The following IL1RAPL2 variants were observed in gnomAD, a reference collection of about 807,000 sequenced individuals.
The protein encoded by IL1RAPL2 is X-linked interleukin-1 receptor accessory protein-like 2.
Under a neutral mutation model 44.1 loss-of-function variants are expected in IL1RAPL2, and 3 were observed. That is an observed-to-expected ratio of 0.07 (90% CI 0.03 to 0.18). IL1RAPL2 has a LOEUF of 0.18. Among genes scored for constraint, IL1RAPL2 ranks in the 10% least tolerant of loss-of-function variants. The pLI is 1.00. For synonymous variants in IL1RAPL2, 181 were observed against 178.8 expected (o/e 1.01, Z -0.10); for missense variants, 391 against 496.4 (o/e 0.79, Z 2.02).
At chrX:105,077,562 C>G (rs961907787) in intron 2 of IL1RAPL2, among the ~76,000 whole-genome samples, 1 of 111,070 alleles carries the variant, frequency 9.0e-6, no homozygotes, top group Non-Finnish European at 1.9e-5. Flanking sequence ...GTGGCGTTCT[C>G]TGTATTTCCT....
intron 2 of IL1RAPL2, among the ~76,000 whole-genome samples, chrX:104,890,567 C>T (rs1038640660): frequency 8.9e-6 from 1 of 112,362 alleles, no homozygotes; most frequent in Admixed American, 9.4e-5. Context: ...AGCATGTTTT[C>T]ATGGGTCTGT....
chrX:104,966,546 C>T (rs999592281), intron 2 of IL1RAPL2, among the ~76,000 whole-genome samples: 1 of 111,926 alleles, frequency 8.9e-6, no homozygotes, highest in South Asian at 3.7e-4. Flanking sequence ...GAAGTTCTAA[C>T]AGTTCTGAAT....
intron 5 of IL1RAPL2, among the ~76,000 whole-genome samples, chrX:105,315,732 G>A (rs1232763264): frequency 9.8e-6 from 1 of 102,354 alleles, no homozygotes; most frequent in Non-Finnish European, 2.0e-5. Context: ...AGGGCAGGAA[G>A]CATCCAGCAT....
At chrX:105,033,237 T>C (rs1383236514) in intron 2 of IL1RAPL2, among the ~76,000 whole-genome samples, 1 of 111,698 alleles carries the variant, frequency 9.0e-6, no homozygotes, top group Non-Finnish European at 1.9e-5. Context: ...AAAGTTAATA[T>C]TATTATGTGT....
At chrX:104,988,944 G>A (rs1330717901) in intron 2 of IL1RAPL2, among the ~76,000 whole-genome samples, 1 of 111,699 alleles carries the variant, frequency 9.0e-6, no homozygotes, top group Admixed American at 9.5e-5. Context: ...TTTTCATAAA[G>A]TGAATTACAT....
At chrX:105,454,139 A>G (rs1380544610) in intron 5 of IL1RAPL2, among the ~76,000 whole-genome samples, 3 of 111,080 alleles carry the variant, frequency 2.7e-5, no homozygotes, top group Non-Finnish European at 5.7e-5. Flanking sequence ...TAAGCAGGAG[A>G]TCTCCAGCAG....
At chrX:104,793,115 T>A (rs993368033) in intron 2 of IL1RAPL2, among the ~76,000 whole-genome samples, 1 of 112,426 alleles carries the variant, frequency 8.9e-6, no homozygotes, top group Non-Finnish European at 1.9e-5. Context: ...CACTCAAGAA[T>A]TCTGTTGGTC....
intron 2 of IL1RAPL2, among the ~76,000 whole-genome samples, chrX:104,831,368 T>A (rs1170093348): frequency 8.9e-6 from 1 of 112,048 alleles, no homozygotes; most frequent in Non-Finnish European, 1.9e-5. Context: ...TCAGATTCTA[T>A]TCTAAGTCCT....
chrX:104,794,321 C>T (rs1441235391), intron 2 of IL1RAPL2, among the ~76,000 whole-genome samples: 1 of 111,628 alleles, frequency 9.0e-6, no homozygotes, highest in Non-Finnish European at 1.9e-5. Context: ...AGGGAGGGAT[C>T]AAGAAGTAAA....
chrX:105,232,662 A>G (rs1028763020), intron 3 of IL1RAPL2, among the ~76,000 whole-genome samples: 1 of 112,206 alleles, frequency 8.9e-6, no homozygotes, highest in African/African-American at 3.2e-5. Context: ...TGGATTATAC[A>G]TAGAAAAATA....
At chrX:105,200,143 T>C (rs1415119751) in intron 3 of IL1RAPL2, among the ~76,000 whole-genome samples, 2 of 112,023 alleles carry the variant, frequency 1.8e-5, no homozygotes, top group Non-Finnish European at 3.8e-5. Flanking sequence ...CACTTTAAGG[T>C]AATTACGAAT....
chrX:105,129,661 A>G (rs1317583991), intron 2 of IL1RAPL2, among the ~76,000 whole-genome samples: 2 of 110,680 alleles, frequency 1.8e-5, no homozygotes, highest in Non-Finnish European at 3.8e-5. Flanking sequence ...ATGATATATC[A>G]TCTAATTTAT....
chrX:104,992,689 T>C (rs1441017985), intron 2 of IL1RAPL2, among the ~76,000 whole-genome samples: 1 of 110,774 alleles, frequency 9.0e-6, no homozygotes, highest in Non-Finnish European at 1.9e-5. Context: ...TTGACGTTTC[T>C]CTTTGGGCCC....
intron 2 of IL1RAPL2, among the ~76,000 whole-genome samples, chrX:105,078,823 C>G (rs1018900552): frequency 8.9e-6 from 1 of 112,753 alleles, no homozygotes; most frequent in Non-Finnish European, 1.9e-5. Context: ...GCATAGGACC[C>G]TCCAAGCCAG....
intron 2 of IL1RAPL2, among the ~76,000 whole-genome samples, chrX:104,770,072 G>C (rs1932616821): frequency 9.1e-6 from 1 of 109,891 alleles, no homozygotes; most frequent in African/African-American, 3.3e-5. Context: ...TTTGTCCTAG[G>C]CCTATCTACC....
intron 2 of IL1RAPL2, among the ~76,000 whole-genome samples, chrX:104,953,377 A>C (rs1203988205): frequency 8.9e-6 from 1 of 112,255 alleles, no homozygotes; most frequent in Non-Finnish European, 1.9e-5. Flanking sequence ...ATTCTCTATA[A>C]ACATATATTT....
chrX:105,115,522 G>A (rs779148073), intron 2 of IL1RAPL2, among the ~76,000 whole-genome samples: 1 of 112,202 alleles, frequency 8.9e-6, no homozygotes, highest in South Asian at 3.7e-4. Context: ...GATACAGAGT[G>A]TCGATTGGTG....
chrX:104,567,312 A>G, intron 1 of IL1RAPL2, among the ~76,000 whole-genome samples: 1 of 112,885 alleles, frequency 8.9e-6, no homozygotes, highest in Non-Finnish European at 1.9e-5. Context: ...CGCGAGCCCA[A>G]GCGTTGCGTT....
At chrX:104,710,316 G>A (rs945232662) in intron 2 of IL1RAPL2, among the ~76,000 whole-genome samples, 2 of 111,243 alleles carry the variant, frequency 1.8e-5, no homozygotes, top group African/African-American at 3.3e-5. Context: ...AAAAGGTAAC[G>A]TACAATGTGG....
Sources: gnomAD v4.1 joint callset for allele counts (sites outside exome capture counted in the v4.1 genomes callset) on GRCh38, gnomAD v4.1.1 for gene constraint, MANE v1.5 for transcripts, NCBI Gene and HGNC (gene_info 2026-07-23, HGNC 2026-07-21) for gene names.